The following HSDL1 variants were observed in gnomAD, a reference collection of about 807,000 sequenced individuals.
The protein encoded by HSDL1 is inactive hydroxysteroid dehydrogenase-like protein 1.
Under a neutral mutation model 31.5 loss-of-function variants are expected in HSDL1, and 29 were observed. The observed-to-expected ratio is 0.92, with a 90% CI of 0.69 to 1.26. The LOEUF (loss-of-function observed/expected upper bound fraction) is 1.26, where lower values mean the gene tolerates loss of function less well. Ranked by LOEUF, HSDL1 falls within the 50% of genes most tolerant of loss-of-function variation. The pLI, the probability that HSDL1 is intolerant of heterozygous loss-of-function variation, is 0.00. For synonymous variants in HSDL1, 222 were observed against 155.2 expected (o/e 1.43, Z -3.20); for missense variants, 503 against 416.6 (o/e 1.21, Z -1.81).
rs569571186 is a variant in HSDL1, at chr16:84,144,818, G to A, written c.-69+262C>T. Among the ~76,000 whole-genome samples the A allele has an allele frequency of 3.8e-4, 56 of 146,910 alleles. No homozygotes were observed. In the South Asian group the frequency reaches 4.2e-3, roughly 11 times the overall value. ...TGAGGATGGAGCCGGGGGAAGGGGG[G>A]CTCTGAGATGTGAAGGGGCGGGGCT... On this transcript the variant is annotated intron_variant, in intron 1 of 5. Coordinates refer to ENST00000219439, the MANE Select transcript of HSDL1 (RefSeq NM_031463.5).
chr16:84,126,840 G>T (rs1009491119), intron 5 of HSDL1, among the ~76,000 whole-genome samples: 13 of 152,062 alleles, frequency 8.5e-5, no homozygotes, highest in African/African-American at 3.1e-4. Flanking sequence ...TCAAATCTTT[G>T]ATGTAAAATT....
intron 1 of HSDL1, among the ~76,000 whole-genome samples, chr16:84,141,280 C>A (rs983490847): frequency 1.3e-5 from 2 of 152,158 alleles, no homozygotes; most frequent in African/African-American, 2.4e-5. Context: ...TTCAGATGCA[C>A]TGCAGTTCAC....
chr16:84,141,595 C>A (rs1051925842), intron 1 of HSDL1, among the ~76,000 whole-genome samples: 70 of 152,224 alleles, frequency 4.6e-4, no homozygotes, highest in African/African-American at 1.7e-3. Context: ...TTTTGCAAAG[C>A]GGCAGAACCC....
At chr16:84,133,478 T>A (rs993412316) in intron 2 of HSDL1, among the ~76,000 whole-genome samples, 1 of 152,222 alleles carries the variant, frequency 6.6e-6, no homozygotes, top group East Asian at 1.9e-4. Context: ...CGGTGGCTCA[T>A]GCCTATAATC....
intron 5 of HSDL1, chr16:84,124,931 C>T (rs2086589227): frequency 6.5e-5 from 23 of 352,062 alleles, no homozygotes; most frequent in South Asian, 1.4e-4. Flanking sequence ...CCACCAATCA[C>T]AACAAATACC....
rs548504156 is a variant in HSDL1, at chr16:84,122,799, C to T, written c.*1831G>A. On this transcript the variant is annotated 3_prime_UTR_variant, in exon 6 of 6. Transcript: ENST00000219439. Reference sequence around the variant, plus strand: ...TCTTTCACTGCAGCTATGGACAGCTCGGCACCACATTTGCACCAATCAGCA... The same window carrying T: ...TCTTTCACTGCAGCTATGGACAGCTTGGCACCACATTTGCACCAATCAGCA... 3 of 152,330 alleles carry T rather than the reference C, an allele frequency of 2.0e-5. No individual in the cohort carries two copies. Among genetic ancestry groups the T allele is most frequent in the African/African-American group, 7.2e-5 (3 of 41,576 alleles). The allele number at this position is 152,330 out of a possible 1,614,324, so 9.4% of individuals were successfully genotyped here.
chr16:84,137,584 T>C (rs1473121163), intron 1 of HSDL1, among the ~76,000 whole-genome samples: 1 of 152,226 alleles, frequency 6.6e-6, no homozygotes, highest in African/African-American at 2.4e-5. Context: ...GCCAAGGCTC[T>C]GTGGCCTCTG....
At chr16:84,127,209 C>CTTTTTTTTTT (rs71148881) in intron 5 of HSDL1, among the ~76,000 whole-genome samples, 46 of 93,386 alleles carry the variant, frequency 4.9e-4, no homozygotes, top group Non-Finnish European at 6.0e-4. Flanking sequence ...ACTGTTTCTT[C>CTTTTTTTTTT]TTTTTTTTTT....
intron 1 of HSDL1, among the ~76,000 whole-genome samples, chr16:84,144,004 C>G (rs1035493647): frequency 1.3e-5 from 2 of 151,240 alleles, no homozygotes; most frequent in African/African-American, 2.4e-5. Context: ...GGCGACAGAG[C>G]GAGATTGTCT....
At position 84,129,706 on chromosome 16, in the gene HSDL1, G is replaced by C. The variant is rs1597373527; in HGVS notation, c.736C>G (p.Leu246Val). The C allele has an allele frequency of 6.2e-7, 1 of 1,614,202 alleles. No individual in the cohort carries two copies. The highest frequency in any genetic ancestry group is 1.1e-5 in the South Asian group (1 of 91,086). Reference sequence around the variant, plus strand: ...CTGGTGGCTACATAGAAAGGGATTAGACTCTGTACAAAGATTCCTTTAGAG... The same window carrying C: ...CTGGTGGCTACATAGAAAGGGATTACACTCTGTACAAAGATTCCTTTAGAG... Reference protein sequence around the residue: ...YASKGIFVQSLIPFYVATSMT... With the variant: ...YASKGIFVQSVIPFYVATSMT... The change falls in exon 5 of 6, where the codon CTA becomes GTA. Residue 246 changes from leucine to valine, a missense_variant. Transcript: ENST00000219439.
chr16:84,133,361 G>C (rs749706260), intron 2 of HSDL1, among the ~76,000 whole-genome samples: 2 of 152,152 alleles, frequency 1.3e-5, no homozygotes, highest in African/African-American at 4.8e-5. Context: ...CTCTAAAAAA[G>C]AAAGTTTCAT....
chr16:84,133,060 G>C (rs2086683025), intron 2 of HSDL1, among the ~76,000 whole-genome samples: 1 of 151,276 alleles, frequency 6.6e-6, no homozygotes, highest in African/African-American at 2.4e-5. Context: ...AAAGAATGGG[G>C]AATTCCCTCC....
chr16:84,127,318 C>T (rs767047312), intron 5 of HSDL1, among the ~76,000 whole-genome samples: 13 of 147,012 alleles, frequency 8.8e-5, no homozygotes, highest in East Asian at 2.0e-4. Flanking sequence ...TGGGTTCAAG[C>T]GATTCTCATG....
chr16:84,143,608 G>A (rs2086792879), intron 1 of HSDL1, among the ~76,000 whole-genome samples: 1 of 152,088 alleles, frequency 6.6e-6, no homozygotes, highest in African/African-American at 2.4e-5. Flanking sequence ...TTTATGTCAT[G>A]CGTAAGTCAT....
intron 3 of HSDL1, 39 bp downstream of exon 3, chr16:84,131,063 C>G: frequency 6.6e-7 from 1 of 1,509,680 alleles, no homozygotes; most frequent in Admixed American, 1.8e-5. Context: ...ATGCATCCGA[C>G]TTCACAGAAA....
At chr16:84,135,903 A>C (rs1361584121) in intron 1 of HSDL1, among the ~76,000 whole-genome samples, 1 of 152,234 alleles carries the variant, frequency 6.6e-6, no homozygotes, top group Non-Finnish European at 1.5e-5. Context: ...CAAATGGGAC[A>C]AAAGCCCATT....
rs751463669 is a variant in HSDL1 at position 84,129,764 on chromosome 16, G to A, written c.678C>T (p.Asp226=). 6.2e-7 allele frequency: 1 copy of A among 1,613,136 alleles called. No individual in the cohort carries two copies. Among genetic ancestry groups the A allele is most frequent in the Non-Finnish European group, 8.5e-7 (1 of 1,179,080 alleles). ...AAFSASKAYL[D]HFSRALQYEY... ...CATATTGCAAGGCTCTGCTGAAGTG[G>A]TCTAAATAAGCCTGTTGAGACAGAG... is the stretch of plus-strand genomic sequence containing the variant. The change falls in exon 5 of 6, where the codon GAC becomes GAT. Residue 226 remains aspartate, a synonymous_variant. Coordinates refer to ENST00000219439, the MANE Select transcript of HSDL1 (RefSeq NM_031463.5).
chr16:84,129,439 G>A, intron 5 of HSDL1, 109 bp downstream of exon 5: 2 of 811,464 alleles, frequency 2.5e-6, no homozygotes, highest in Non-Finnish European at 4.0e-6. Context: ...TCAGGCTTAA[G>A]AGTCAGAATT....
Position 84,130,028 on chromosome 16 carries a change from G to C in HSDL1, c.624C>G (p.Cys208Trp). The change falls in exon 4 of 6, where the codon TGC (cysteine) becomes TGG (tryptophan). Residue 208 changes from cysteine to tryptophan, a missense_variant. Coordinates refer to ENST00000219439, the MANE Select transcript of HSDL1 (RefSeq NM_031463.5). The stretch of plus-strand genomic sequence containing the variant: ...CAGCCAGCTGAGGAGTGGGTTTGCA[G>C]CAGGAGCCAGAAGAGATCGTGACGA... ...GAIVTISSGS[C>W]CKPTPQLAAF... 2 of 1,614,130 alleles carry C rather than the reference G, an allele frequency of 1.2e-6. No individual in the cohort carries two copies. The highest frequency in any genetic ancestry group is 2.2e-5 in the East Asian group (1 of 44,880).
Sources: gnomAD v4.1 joint callset for allele counts (sites outside exome capture counted in the v4.1 genomes callset) on GRCh38, gnomAD v4.1.1 for gene constraint, MANE v1.5 for transcripts, NCBI Gene and HGNC (gene_info 2026-07-23, HGNC 2026-07-21) for gene names.